OR5K4: variants seen among roughly 807,000 people sequenced by gnomAD.
The protein encoded by OR5K4 is olfactory receptor 5K4.
Under a neutral mutation model 11.8 loss-of-function variants are expected in OR5K4, and 16 were observed. That is an observed-to-expected ratio of 1.36 (90% CI 0.92 to 2.06). The LOEUF (loss-of-function observed/expected upper bound fraction) is 2.06. Ranked by LOEUF, OR5K4 falls within the 30% of genes most tolerant of loss-of-function variation. The pLI is 0.00. For synonymous variants in OR5K4, 152 were observed against 135.1 expected, an observed-to-expected ratio of 1.12 and a Z score of -0.87; for missense variants, 442 against 386.9, an observed-to-expected ratio of 1.14 and a Z score of -1.19.
rs373543922 is a variant in OR5K4 at position 98,353,893 on chromosome 3, C to G, written c.40C>G (p.Leu14Val). 23 of 1,613,150 alleles carry G rather than the reference C, an allele frequency of 1.4e-5. No individual in the cohort carries two copies. Among genetic ancestry groups the G allele is most frequent in the African/African-American group, 2.7e-5 (2 of 74,856 alleles). ...ENHSLAAEFI[L>V]IGFTNYPELK... ...TCACTCCTTAGCAGCTGAATTCATC[C>G]TCATAGGATTTACAAATTATCCAGA... The change falls in exon 1 of 1, where the codon CTC becomes GTC. Residue 14 changes from leucine to valine, a missense_variant. Transcript: ENST00000354924.
At position 98,354,090 on chromosome 3, in the gene OR5K4, C is replaced by G; in HGVS notation, c.237C>G (p.Pro79=). ...MDSCCSCAVT[P]KMLENFFSED... ...CCTGCTGTTCCTGTGCTGTTACCCC[C>G]AAGATGTTAGAGAATTTCTTTTCTG... Residue 79 remains proline (P), a synonymous_variant, in exon 1 of 1, where the codon CCC becomes CCG. Coordinates refer to ENST00000354924, the MANE Select transcript of OR5K4 (RefSeq NM_001005517.1). 6.2e-7 allele frequency: 1 copy of G among 1,614,162 alleles called. No homozygotes were observed. Among genetic ancestry groups the G allele is most frequent in the Non-Finnish European group, 8.5e-7 (1 of 1,180,034 alleles).
In OR5K4 at chr3:98,354,794, T is replaced by G; in HGVS notation, c.941T>G (p.Ile314Arg). The G allele has an allele frequency of 1.6e-6, 2 of 1,287,108 alleles. No homozygotes were observed. The highest frequency in any genetic ancestry group is 2.1e-6 in the Non-Finnish European group (2 of 934,512). 79.7% of individuals were successfully genotyped at this position (1,287,108 alleles called of 1,614,324 possible). The change falls in exon 1 of 1, where the codon ATA becomes AGA. Residue 314 changes from isoleucine to arginine, a missense_variant. Physicochemically the swap from Ile to Arg is moderately conservative, Grantham distance 97 (BLOSUM62 -3). Coordinates refer to ENST00000354924, the MANE Select transcript of OR5K4 (RefSeq NM_001005517.1). ...NYNILKQTCSIANLFLIY is the reference protein window; with the variant it reads ...NYNILKQTCSRANLFLIY Reference sequence around the variant, plus strand: ...AACATTCTTAAACAAACTTGCTCTATAGCAAATTTATTTTTAATTTATTAA... The same window carrying G: ...AACATTCTTAAACAAACTTGCTCTAGAGCAAATTTATTTTTAATTTATTAA...
rs774421030 is a variant in OR5K4, at chr3:98,354,755, T to A, written c.902T>A (p.Ile301Asn). The change falls in exon 1 of 1, where the codon ATT becomes AAT. Residue 301 changes from isoleucine (I) to asparagine (N), a missense_variant. Ile to Asn is a moderately radical substitution (Grantham distance 149). Coordinates refer to ENST00000354924, the MANE Select transcript of OR5K4 (RefSeq NM_001005517.1). ...GAGGTCATAAATGTTCTTAAAAAAA[T>A]TATGAGGAATTATAACATTCTTAAA... The part of the protein sequence containing the change: ...NKEVINVLKK[I>N]MRNYNILKQT... 2 of 1,492,748 alleles carry A rather than the reference T, an allele frequency of 1.3e-6. No homozygotes were observed. Among genetic ancestry groups the A allele is most frequent in the East Asian group, 2.3e-5 (1 of 44,278 alleles). The allele number at this position is 1,492,748 out of a possible 1,614,324, so 92.5% of individuals were successfully genotyped here. A position where few individuals can be genotyped will look rare whatever the true frequency, so the allele number is the denominator to read the frequency against.
chr3:98,354,718 C>T lies in OR5K4; in HGVS notation c.865C>T (p.Leu289=). ...ATTACTAAACCCTTTTATTTATAGT[C>T]TGAGAAATAAGGAGGTCATAAATGT... The part of the protein sequence containing the change: ...IPLLNPFIYS[L]RNKEVINVLK... The change falls in exon 1 of 1, where the codon CTG becomes TTG. Residue 289 remains leucine (L), a synonymous_variant. Coordinates refer to ENST00000354924, the MANE Select transcript of OR5K4 (RefSeq NM_001005517.1). 1 of 1,591,152 alleles carries T rather than the reference C, an allele frequency of 6.3e-7. No homozygotes were observed. Among genetic ancestry groups the T allele is most frequent in the Non-Finnish European group, 8.6e-7 (1 of 1,163,376 alleles).
rs751246167 is a variant in OR5K4, at chr3:98,354,811, A to G, written c.958A>G (p.Ile320Val). 2 of 1,171,928 alleles carry G rather than the reference A, an allele frequency of 1.7e-6. No individual in the cohort carries two copies. The highest frequency in any genetic ancestry group is 2.4e-5 in the Admixed American group (1 of 41,850). 72.6% of individuals were successfully genotyped at this position (1,171,928 alleles called of 1,614,324 possible). Residue 320 changes from isoleucine to valine, a missense_variant, in exon 1 of 1, where the codon ATT becomes GTT. By Grantham distance (29) the Ile-to-Val change is conservative. Transcript: ENST00000354924. The part of the protein sequence containing the change: ...QTCSIANLFL[I>V]Y ...TTGCTCTATAGCAAATTTATTTTTA[A>G]TTTATTAAAATGCTTTCATAAAGAG... is the stretch of plus-strand genomic sequence containing the variant.
chr3:98,354,639 TGAA>T lies in OR5K4; in HGVS notation c.791_793del (p.Glu264del). The T allele has an allele frequency of 5.0e-6, 8 of 1,612,090 alleles. No homozygotes were observed. The highest frequency in any genetic ancestry group is 5.9e-6 in the Non-Finnish European group (7 of 1,178,286). On this transcript the variant is annotated inframe_deletion, in exon 1 of 1. Transcript: ENST00000354924. ...GTCTTCTCATGTATATTGGACCATC[TGAA>T]GAAGGAGATAAAGATACACCAGTGG...
chr3:98,354,067 T>G lies in OR5K4; in HGVS notation c.214T>G (p.Cys72Gly), dbSNP rs1255023475. Residue 72 changes from cysteine (C) to glycine (G), a missense_variant, in exon 1 of 1, where the codon TGC becomes GGC. Coordinates refer to ENST00000354924, the MANE Select transcript of OR5K4 (RefSeq NM_001005517.1). ...GGGCAACCTGGCTCTGATGGATTCC[T>G]GCTGTTCCTGTGCTGTTACCCCCAA... is the stretch of plus-strand genomic sequence containing the variant. ...FLGNLALMDSCCSCAVTPKML... is the reference protein window; with the variant it reads ...FLGNLALMDSGCSCAVTPKML... The G allele has an allele frequency of 6.2e-7, 1 of 1,614,246 alleles. No homozygotes were observed. Among genetic ancestry groups the G allele is most frequent in the Admixed American group, 1.7e-5 (1 of 60,030 alleles).
In OR5K4 at chr3:98,354,492, T is replaced by A. The variant is rs779793893; in HGVS notation, c.639T>A (p.Thr213=). The A allele has an allele frequency of 5.0e-6, 8 of 1,612,142 alleles. No individual in the cohort carries two copies. Among genetic ancestry groups the A allele is most frequent in the Non-Finnish European group, 6.8e-6 (8 of 1,178,162 alleles). The change falls in exon 1 of 1, where the codon ACT becomes ACA. Residue 213 remains threonine, a synonymous_variant. Coordinates refer to ENST00000354924, the MANE Select transcript of OR5K4 (RefSeq NM_001005517.1). ...CAATTCAAATCTTTACCATTGCTAC[T>A]GTCTTGATCTCTTATCTCTGCATCC... is the stretch of plus-strand genomic sequence containing the variant. ...SIPIQIFTIA[T]VLISYLCILL...
In OR5K4 at chr3:98,354,745, CT is replaced by C. The variant is rs1467794340; in HGVS notation, c.894del (p.Ile301LeufsTer2). The C allele has an allele frequency of 6.6e-7, 1 of 1,505,330 alleles. No individual in the cohort carries two copies. 93.2% of individuals were successfully genotyped at this position (1,505,330 alleles called of 1,614,324 possible). On this transcript the variant is annotated frameshift_variant, in exon 1 of 1. Coordinates refer to ENST00000354924, the MANE Select transcript of OR5K4 (RefSeq NM_001005517.1). LOFTEE classifies it high-confidence loss of function. ...SLRNKEVINV[L>X]KKIMRNYNIL... Reference sequence around the variant, plus strand: ...GAGAAATAAGGAGGTCATAAATGTTCTTAAAAAAATTATGAGGAATTATAAC... The same window carrying C: ...GAGAAATAAGGAGGTCATAAATGTTCTAAAAAAATTATGAGGAATTATAAC...
Position 98,354,272 on chromosome 3 carries a change from T to C in OR5K4, c.419T>C (p.Leu140Pro), listed in dbSNP as rs1416446917. The C allele has an allele frequency of 5.6e-6, 9 of 1,614,090 alleles. No homozygotes were observed. Among genetic ancestry groups the C allele is most frequent in the African/African-American group, 1.3e-5 (1 of 74,932 alleles). ...LQYHTMMSKT[L>P]CIRMTTGAFK... The stretch of plus-strand genomic sequence containing the variant: ...TACCACACCATGATGTCCAAGACGC[T>C]CTGCATTCGGATGACCACAGGGGCC... The change falls in exon 1 of 1, where the codon CTC becomes CCC. Residue 140 changes from leucine to proline, a missense_variant. Physicochemically the swap from Leu to Pro is moderately conservative, Grantham distance 98. Coordinates refer to ENST00000354924, the MANE Select transcript of OR5K4 (RefSeq NM_001005517.1).
At position 98,354,203 on chromosome 3, in the gene OR5K4, C is replaced by T. The variant is rs1707030824; in HGVS notation, c.350C>T (p.Thr117Ile). 6.2e-7 allele frequency: 1 copy of T among 1,614,074 alleles called. No homozygotes were observed. The highest frequency in any genetic ancestry group is 1.3e-5 in the African/African-American group (1 of 74,920). Residue 117 changes from threonine to isoleucine, a missense_variant, in exon 1 of 1, where the codon ACA (threonine) becomes ATA (isoleucine). Transcript: ENST00000354924. ...AETTDCFLLA[T>I]MAYDRYVAIC... ...ACCACAGACTGCTTTCTTCTGGCGA[C>T]AATGGCCTATGACCGCTATGTGGCC...
chr3:98,354,619 C>T lies in OR5K4; in HGVS notation c.766C>T (p.Leu256Phe). Residue 256 changes from leucine (L) to phenylalanine (F), a missense_variant, in exon 1 of 1, where the codon CTC becomes TTC. By Grantham distance (22) the Leu-to-Phe change is conservative (BLOSUM62 0). Transcript: ENST00000354924. Reference protein sequence around the residue: ...LSVSIFYICLLMYIGPSEEGD... With the variant: ...LSVSIFYICLFMYIGPSEEGD... ...TGTCTCAATATTTTACATTTGTCTT[C>T]TCATGTATATTGGACCATCTGAAGA... is the stretch of plus-strand genomic sequence containing the variant. 1 of 1,613,382 alleles carries T rather than the reference C, an allele frequency of 6.2e-7. No homozygotes were observed.
At position 98,354,363 on chromosome 3, in the gene OR5K4, G is replaced by A. The variant is rs76602063; in HGVS notation, c.510G>A (p.Arg170=). ...VGLLLRLTFC[R]SNKIHHFFCD... The stretch of plus-strand genomic sequence containing the variant: ...TTTTATTAAGGTTAACTTTCTGCAG[G>A]TCTAATAAAATTCACCACTTTTTCT... Residue 170 remains arginine (R), a synonymous_variant, in exon 1 of 1, where the codon AGG becomes AGA. Coordinates refer to ENST00000354924, the MANE Select transcript of OR5K4 (RefSeq NM_001005517.1). 3.1e-3 allele frequency: 5,070 copies of A among 1,614,024 alleles called. 144 individuals carry two copies. In the African/African-American group the frequency reaches 0.06, roughly 19 times the overall value.
Position 98,354,365 on chromosome 3 carries a change from C to A in OR5K4, c.512C>A (p.Ser171Tyr). 3 of 1,614,102 alleles carry A rather than the reference C, an allele frequency of 1.9e-6. No homozygotes were observed. Among genetic ancestry groups the A allele is most frequent in the Non-Finnish European group, 2.5e-6 (3 of 1,179,978 alleles). The stretch of plus-strand genomic sequence containing the variant: ...TTATTAAGGTTAACTTTCTGCAGGT[C>A]TAATAAAATTCACCACTTTTTCTGT... The part of the protein sequence containing the change: ...GLLLRLTFCR[S>Y]NKIHHFFCDI... Residue 171 changes from serine to tyrosine, a missense_variant, in exon 1 of 1, where the codon TCT becomes TAT. Ser to Tyr is a moderately radical substitution (Grantham distance 144). Coordinates refer to ENST00000354924, the MANE Select transcript of OR5K4 (RefSeq NM_001005517.1).
chr3:98,354,376 C>G lies in OR5K4; in HGVS notation c.523C>G (p.His175Asp), dbSNP rs574691048. 64 of 1,614,054 alleles carry G rather than the reference C, an allele frequency of 4.0e-5. No individual in the cohort carries two copies. In the South Asian group the frequency reaches 5.9e-4, roughly 15 times the overall value. The stretch of plus-strand genomic sequence containing the variant: ...AACTTTCTGCAGGTCTAATAAAATT[C>G]ACCACTTTTTCTGTGATATTCTTCC... Reference protein sequence around the residue: ...RLTFCRSNKIHHFFCDILPLY... With the variant: ...RLTFCRSNKIDHFFCDILPLY... Residue 175 changes from histidine (H) to aspartate (D), a missense_variant, in exon 1 of 1, where the codon CAC becomes GAC. Coordinates refer to ENST00000354924, the MANE Select transcript of OR5K4 (RefSeq NM_001005517.1).
At position 98,354,608 on chromosome 3, in the gene OR5K4, A is replaced by T; in HGVS notation, c.755A>T (p.Tyr252Phe). The change falls in exon 1 of 1, where the codon TAC becomes TTC. Residue 252 changes from tyrosine to phenylalanine, a missense_variant. Tyr to Phe is a conservative substitution (Grantham distance 22). Transcript: ENST00000354924. ...ASHFLSVSIF[Y>F]ICLLMYIGPS... ...CACTTTCTCTCTGTCTCAATATTTT[A>T]CATTTGTCTTCTCATGTATATTGGA... The T allele has an allele frequency of 1.2e-6, 2 of 1,613,686 alleles. No individual in the cohort carries two copies. The highest frequency in any genetic ancestry group is 1.7e-6 in the Non-Finnish European group (2 of 1,179,694).
At position 98,354,030 on chromosome 3, in the gene OR5K4, G is replaced by T. The variant is rs371171925; in HGVS notation, c.177G>T (p.Met59Ile). ...IYVERRLLTP[M>I]YIFLGNLALM... ...TAGAGCGTCGTCTTCTCACACCAAT[G>T]TACATCTTTCTGGGCAACCTGGCTC... is the stretch of plus-strand genomic sequence containing the variant. The change falls in exon 1 of 1, where the codon ATG becomes ATT. Residue 59 changes from methionine to isoleucine, a missense_variant. By Grantham distance (10) the Met-to-Ile change is conservative. Coordinates refer to ENST00000354924, the MANE Select transcript of OR5K4 (RefSeq NM_001005517.1). The T allele has an allele frequency of 8.0e-5, 129 of 1,613,862 alleles. No homozygotes were observed. Among genetic ancestry groups the T allele is most frequent in the Admixed American group, 6.7e-4 (40 of 59,986 alleles).
Position 98,354,799 on chromosome 3 carries a change from AATTT to A in OR5K4, c.951_954del (p.Leu317PhefsTer2). 1 of 1,267,598 alleles carries A rather than the reference AATTT, an allele frequency of 7.9e-7. No homozygotes were observed. Among genetic ancestry groups the A allele is most frequent in the South Asian group, 1.5e-5 (1 of 66,536 alleles). 78.5% of individuals were successfully genotyped at this position (1,267,598 alleles called of 1,614,324 possible). ...TCTTAAACAAACTTGCTCTATAGCAAATTTATTTTTAATTTATTAAAATGCTTTC... is the reference window on the plus strand; with the variant it reads ...TCTTAAACAAACTTGCTCTATAGCAAATTTTTAATTTATTAAAATGCTTTC... On this transcript the variant is annotated frameshift_variant, in exon 1 of 1. Coordinates refer to ENST00000354924, the MANE Select transcript of OR5K4 (RefSeq NM_001005517.1). LOFTEE classifies it high-confidence loss of function.
rs780297884 is a variant in OR5K4, at chr3:98,353,867, A to G, written c.14A>G (p.Asn5Ser). Residue 5 changes from asparagine (N) to serine (S), a missense_variant, in exon 1 of 1, where the codon AAT (asparagine) becomes AGT (serine). By Grantham distance (46) the Asn-to-Ser change is conservative (BLOSUM62 1). Coordinates refer to ENST00000354924, the MANE Select transcript of OR5K4 (RefSeq NM_001005517.1). MARE[N>S]HSLAAEFILI... ...GAGAAGCCAGGAATGGCTAGGGAAAATCACTCCTTAGCAGCTGAATTCATC... is the reference window on the plus strand; with the variant it reads ...GAGAAGCCAGGAATGGCTAGGGAAAGTCACTCCTTAGCAGCTGAATTCATC... 6.2e-7 allele frequency: 1 copy of G among 1,601,662 alleles called. No homozygotes were observed. The highest frequency in any genetic ancestry group is 2.2e-5 in the East Asian group (1 of 44,736).
Sources: allele counts gnomAD v4.1 joint callset, GRCh38; gene constraint gnomAD v4.1.1; transcripts MANE v1.5; gene names NCBI Gene and HGNC (gene_info 2026-07-23, HGNC 2026-07-21).